Variants in PIGV observed in about 807,000 individuals in gnomAD.
PIGV encodes the protein phosphatidylinositol glycan anchor biosynthesis class V, also known as GPI alpha-1,6-mannosyltransferase 2.
A neutral mutation model predicts 39.2 loss-of-function variants in PIGV; 27 were observed. The ratio of observed to expected loss-of-function variants is 0.69; its 90% CI spans 0.51 to 0.95. PIGV has a LOEUF of 0.95. PIGV is among the 40% of genes least tolerant of loss of function. PIGV has a pLI of 0.00. For missense variants in PIGV, 523 were observed against 586.4 expected, an observed-to-expected ratio of 0.89 and a Z score of 1.12; for synonymous variants, 232 against 241.7, an observed-to-expected ratio of 0.96 and a Z score of 0.37.
intron 3 of PIGV, among the ~76,000 whole-genome samples, chr1:26,795,675 A>G (rs1445067247): frequency 7.5e-6 from 1 of 133,274 alleles, no homozygotes; most frequent in Non-Finnish European, 1.6e-5. Context: ...GCACCACTGC[A>G]CTCCAGCCTG....
chr1:26,796,738 C>T (rs2081389353), intron 3 of PIGV, among the ~76,000 whole-genome samples: 1 of 152,154 alleles, frequency 6.6e-6, no homozygotes, highest in Non-Finnish European at 1.5e-5. Context: ...ATAGTTATAT[C>T]CATATTGGTT....
intron 3 of PIGV, among the ~76,000 whole-genome samples, chr1:26,797,213 A>ACC (rs1352970887): frequency 7.9e-5 from 12 of 152,148 alleles, no homozygotes; most frequent in Admixed American, 1.3e-4. Flanking sequence ...GGATAAGGGA[A>ACC]CCACCTCAGG....
Position 26,794,572 on chromosome 1 carries a change from G to A in PIGV, c.538G>A (p.Ala180Thr). ...EALFALLTFSAMGQLERGRVW... is the reference protein window; with the variant it reads ...EALFALLTFSTMGQLERGRVW... ...TTTGTTTGCCCTCCTGACATTCAGT[G>A]CCATGGGGCAGCTGGAGAGGGGCCG... is the stretch of plus-strand genomic sequence containing the variant. The change falls in exon 3 of 4, where the codon GCC becomes ACC. Residue 180 changes from alanine (A) to threonine (T), a missense_variant. Transcript: ENST00000674202. 1 of 1,614,218 alleles carries A rather than the reference G, an allele frequency of 6.2e-7. No individual in the cohort carries two copies.
At position 26,790,080 on chromosome 1, in the gene PIGV, T is replaced by C. The variant is rs146875542; in HGVS notation, c.-57-679T>C. 3.9e-5 allele frequency among the ~76,000 whole-genome samples: 6 copies of C among 152,364 alleles called. No homozygotes were observed. In the East Asian group the frequency reaches 1.2e-3, roughly 29 times the overall value. Reference sequence around the variant, plus strand: ...GTCTACTCTGTCTTCACCCTCAGTTTGTTTCAGCAGTGTGAGCTGGCTGAG... The same window carrying C: ...GTCTACTCTGTCTTCACCCTCAGTTCGTTTCAGCAGTGTGAGCTGGCTGAG... On this transcript the variant is annotated intron_variant, in intron 1 of 3. Coordinates refer to ENST00000674202, the MANE Select transcript of PIGV (RefSeq NM_017837.4).
In PIGV at chr1:26,798,972, G is replaced by A. The variant is rs2081421602; in HGVS notation, c.*1128G>A. Reference sequence around the variant, plus strand: ...GTGGTGGTGAATGATGCAGTCTCTTGTAGGTCCCTTTCTGCTCTAACATCT... The same window carrying A: ...GTGGTGGTGAATGATGCAGTCTCTTATAGGTCCCTTTCTGCTCTAACATCT... On this transcript the variant is annotated 3_prime_UTR_variant, in exon 4 of 4. Coordinates refer to ENST00000674202, the MANE Select transcript of PIGV (RefSeq NM_017837.4). Among the ~76,000 whole-genome samples the A allele has an allele frequency of 6.6e-6, 1 of 152,178 alleles. No individual in the cohort carries two copies. The highest frequency in any genetic ancestry group is 2.4e-5 in the African/African-American group (1 of 41,438).
chr1:26,797,214 C>G (rs1441845663), intron 3 of PIGV, among the ~76,000 whole-genome samples: 3 of 152,310 alleles, frequency 2.0e-5, no homozygotes, highest in African/African-American at 7.2e-5. Context: ...GATAAGGGAA[C>G]CACCTCAGGT....
At chr1:26,792,494 A>G (rs1044555643) in intron 2 of PIGV, among the ~76,000 whole-genome samples, 1 of 151,104 alleles carries the variant, frequency 6.6e-6, no homozygotes, top group Non-Finnish European at 1.5e-5. Context: ...CGCCCGGCTA[A>G]TTTTTTGTAT....
intron 3 of PIGV, among the ~76,000 whole-genome samples, chr1:26,796,237 C>T (rs146879828): frequency 0.029 from 4,333 of 147,792 alleles, 76 homozygotes; most frequent in Non-Finnish European, 0.042. Context: ...GGCATGATCT[C>T]AGCTCACTGC....
rs1031089479 is a variant in PIGV at position 26,799,711 on chromosome 1, T to A, written c.*1867T>A. ...CAGCACTAGGACAGCTGAGAGAATT[T>A]GGTTCAGAGTCAAATGCTTCTGAAA... On this transcript the variant is annotated 3_prime_UTR_variant, in exon 4 of 4. Transcript: ENST00000674202. Among the ~76,000 whole-genome samples, 2 of 152,214 alleles carry A rather than the reference T, an allele frequency of 1.3e-5. No individual in the cohort carries two copies. The highest frequency in any genetic ancestry group is 4.8e-5 in the African/African-American group (2 of 41,458).
intron 2 of PIGV, 66 bp downstream of exon 2, chr1:26,790,959 G>GT: frequency 7.6e-7 from 1 of 1,309,506 alleles, no homozygotes; most frequent in Non-Finnish European, 1.1e-6. Flanking sequence ...AGTAAGAAGT[G>GT]TCCCCATCTC....
intron 3 of PIGV, 30 bp from the exon 4 acceptor site, chr1:26,797,533 G>A: frequency 1.2e-6 from 2 of 1,604,634 alleles, no homozygotes; most frequent in Non-Finnish European, 1.7e-6. Flanking sequence ...TCCAGTAAAT[G>A]TCTGGATATT....
upstream of PIGV, chr1:26,787,330 G>GA (rs755136432): frequency 1.3e-5 from 2 of 152,236 alleles, no homozygotes; most frequent in South Asian, 2.1e-4. Flanking sequence ...TGAGGGAGGT[G>GA]AAAGGAGCCC....
intron 2 of PIGV, 101 bp downstream of exon 2, chr1:26,790,994 T>G (rs1373881172): frequency 1.0e-6 from 1 of 977,608 alleles, no homozygotes; most frequent in East Asian, 2.4e-5. Flanking sequence ...GGTGTGCCCC[T>G]CCATGTGGTT....
rs893027573 is a variant in PIGV, at chr1:26,799,928, G to A, written c.*2084G>A. Among the ~76,000 whole-genome samples the A allele has an allele frequency of 6.6e-6, 1 of 152,132 alleles. No individual in the cohort carries two copies. The highest frequency in any genetic ancestry group is 6.6e-5 in the Admixed American group (1 of 15,264). On this transcript the variant is annotated 3_prime_UTR_variant, in exon 4 of 4. Coordinates refer to ENST00000674202, the MANE Select transcript of PIGV (RefSeq NM_017837.4). ...CAGGAAGTGTTGGGGTCCTGTTTCA[G>A]CTCTTTATTGCCGAGGTAGGAGCAC...
intron 3 of PIGV, among the ~76,000 whole-genome samples, chr1:26,796,051 G>A (rs2081379660): frequency 6.6e-6 from 1 of 151,628 alleles, no homozygotes; most frequent in African/African-American, 2.4e-5. Flanking sequence ...GTAGAGATGG[G>A]GTTTCACCAC....
intron 3 of PIGV, among the ~76,000 whole-genome samples, chr1:26,795,745 TG>T (rs1263385660): frequency 6.7e-6 from 1 of 148,688 alleles, no homozygotes; most frequent in African/African-American, 2.5e-5. Flanking sequence ...ATTACTGCCT[TG>T]GGGGGTCTCA....
intron 3 of PIGV, 123 bp from the exon 4 acceptor site, chr1:26,797,440 T>C: frequency 1.2e-6 from 1 of 807,430 alleles, no homozygotes; most frequent in African/African-American, 1.7e-5. Flanking sequence ...TCTTTTCCAG[T>C]GTAATACATT....
At chr1:26,788,764 C>A (rs1347054534) in intron 1 of PIGV, 10 of 152,168 alleles carry the variant, frequency 6.6e-5, no homozygotes, top group Non-Finnish European at 7.3e-5. Flanking sequence ...CTGATGAGAT[C>A]TCTGGAGCCT....
At chr1:26,789,913 CTTTATGACTCCTT>C in intron 1 of PIGV, among the ~76,000 whole-genome samples, 1 of 152,140 alleles carries the variant, frequency 6.6e-6, no homozygotes, top group East Asian at 1.9e-4. Context: ...CTTGAGGAGC[CTTTATGACTCCTT>C]TTAGCTCAAG....
Sources: allele counts gnomAD v4.1 joint callset (sites outside exome capture counted in the v4.1 genomes callset), GRCh38; gene constraint gnomAD v4.1.1; transcripts MANE v1.5; gene names NCBI Gene and HGNC (gene_info 2026-07-23, HGNC 2026-07-21).